ERCC6: variants seen among roughly 807,000 people sequenced by gnomAD.
ERCC6 encodes the protein ERCC excision repair 6, chromatin remodeling factor.
Under a neutral mutation model 158.7 loss-of-function variants are expected in ERCC6, and 116 were observed. The ratio of observed to expected loss-of-function variants is 0.73; its 90% confidence interval spans 0.63 to 0.85. ERCC6 has a LOEUF of 0.85. Ranked by LOEUF, ERCC6 falls within the 40% of genes least tolerant of loss-of-function variation. The pLI, the probability that ERCC6 is intolerant of heterozygous loss-of-function variation, is 0.00. For synonymous variants in ERCC6, 678 were observed against 659.3 expected, an observed-to-expected ratio of 1.03 and a Z score of -0.43; for missense variants, 1,698 against 1,799.4, an observed-to-expected ratio of 0.94 and a Z score of 1.02.
At chr10:49,516,517 T>C in intron 5 of ERCC6, 2 of 1,614,202 alleles carry the variant, frequency 1.2e-6, no homozygotes, top group South Asian at 1.1e-5. Context: ...TCCCAAAACA[T>C]ACGCCTTCTA....
At chr10:49,473,985 T>A in intron 13 of ERCC6, 42 bp downstream of exon 13, 1 of 1,566,940 alleles carries the variant, frequency 6.4e-7, no homozygotes. Context: ...ATGGCTGTCA[T>A]AAAGAACCAG....
chr10:49,516,627 T>C (rs1292452407), intron 5 of ERCC6: 3 of 1,614,124 alleles, frequency 1.9e-6, no homozygotes, highest in Admixed American at 1.7e-5. Flanking sequence ...AGCATATAAG[T>C]TGGAGTACTT....
At position 49,482,732 on chromosome 10, in the gene ERCC6, G is replaced by A. The variant is rs114832108; in HGVS notation, c.2124C>T (p.Ser708=). ...GTLPVFMEQF[S]VPITMGGYSN... ...AATATCCCCCCATGGTGATGGGGACGGAGAACTGCTCCATAAACACAGGCA... is the reference window on the plus strand; with the variant it reads ...AATATCCCCCCATGGTGATGGGGACAGAGAACTGCTCCATAAACACAGGCA... Residue 708 remains serine, a synonymous_variant, in exon 10 of 21, where the codon TCC becomes TCT. Transcript: ENST00000355832. 301 of 1,613,774 alleles carry A rather than the reference G, an allele frequency of 1.9e-4. No individual in the cohort carries two copies. In the African/African-American group the frequency reaches 3.0e-3, roughly 16 times the overall value.
At chr10:49,487,384 G>T (rs1215416625) in intron 8 of ERCC6, among the ~76,000 whole-genome samples, 1 of 152,066 alleles carries the variant, frequency 6.6e-6, no homozygotes, top group Non-Finnish European at 1.5e-5. Context: ...ATACCATATT[G>T]AAGGCCACAT....
chr10:49,504,446 G>A (rs543663475), intron 6 of ERCC6: 112 of 152,242 alleles, frequency 7.4e-4, no homozygotes, highest in African/African-American at 2.5e-3. Context: ...TATTAATTGT[G>A]AAATATCTTT....
At chr10:49,523,796 C>T (rs4253051) in intron 5 of ERCC6, among the ~76,000 whole-genome samples, 395 of 152,170 alleles carry the variant, frequency 2.6e-3, no homozygotes, top group African/African-American at 9.2e-3. Flanking sequence ...AGTTTTTCAT[C>T]TTAGACTTGC....
At chr10:49,479,698 C>A (rs1049705785) in intron 10 of ERCC6, among the ~76,000 whole-genome samples, 2 of 152,290 alleles carry the variant, frequency 1.3e-5, no homozygotes, top group Middle Eastern at 3.4e-3. Context: ...TCCACCCACA[C>A]CCCCTTCCGC....
chr10:49,440,941 G>A, the ERCC6 span, among the ~76,000 whole-genome samples: 1 of 152,212 alleles, frequency 6.6e-6, no homozygotes, highest in Non-Finnish European at 1.5e-5. Flanking sequence ...GAGGTGGTAT[G>A]AGAGGTGGCA....
rs1427913551 is a variant in ERCC6, at chr10:49,472,429, C to T, written c.2871G>A (p.Val957=). The T allele has an allele frequency of 6.2e-7, 1 of 1,614,162 alleles. No individual in the cohort carries two copies. The highest frequency in any genetic ancestry group is 1.7e-5 in the Admixed American group (1 of 60,026). ...CCGCAGTCAGGAGCCTGTACACAGT[C>T]ACTTGCTTCTTCTGGCCTATTCTCC... ...RAWRIGQKKQ[V]TVYRLLTAGT... is the part of the protein sequence containing the mutation. The change falls in exon 16 of 21, where the codon GTG becomes GTA. Residue 957 remains valine, a synonymous_variant. Transcript: ENST00000355832.
At chr10:49,473,127 G>C in intron 14 of ERCC6, 99 bp from the exon 15 acceptor site, 1 of 1,528,122 alleles carries the variant, frequency 6.5e-7, no homozygotes, top group South Asian at 1.2e-5. Context: ...TTACTGGGCT[G>C]TTCCCAATAT....
At chr10:49,518,607 A>G (rs946977115) in intron 5 of ERCC6, among the ~76,000 whole-genome samples, 2 of 152,210 alleles carry the variant, frequency 1.3e-5, no homozygotes, top group East Asian at 3.9e-4. Flanking sequence ...TCAGGCCCTA[A>G]AGGCTGCAAC....
chr10:49,489,025 C>T (rs1195379785), intron 8 of ERCC6, among the ~76,000 whole-genome samples: 1 of 152,122 alleles, frequency 6.6e-6, no homozygotes, highest in Non-Finnish European at 1.5e-5. Context: ...CCTCATGATC[C>T]GCCGGCCTCA....
chr10:49,450,461 A>T (rs1850407683), downstream of ERCC6, among the ~76,000 whole-genome samples: 1 of 152,220 alleles, frequency 6.6e-6, no homozygotes, highest in African/African-American at 2.4e-5. Flanking sequence ...ATTCTTTTTC[A>T]GGATTTCTTT....
chr10:49,501,167 C>T (rs1337337838), intron 6 of ERCC6: 1 of 167,996 alleles, frequency 6.0e-6, no homozygotes, highest in Non-Finnish European at 1.3e-5. Context: ...ATAGCTTATA[C>T]TGTTGAAAAG....
intron 19 of ERCC6, 141 bp downstream of exon 19, chr10:49,461,211 C>G (rs1850575757): frequency 1.1e-6 from 1 of 872,980 alleles, no homozygotes; most frequent in Non-Finnish European, 1.8e-6. Context: ...CCAAGTCACC[C>G]AGATTTTGCT....
rs142097249 is a variant in ERCC6 at position 49,532,621 on chromosome 10, T to A, written c.344A>T (p.Asn115Ile). 16 of 1,614,200 alleles carry A rather than the reference T, an allele frequency of 9.9e-6. No homozygotes were observed. In the African/African-American group the frequency reaches 1.5e-4, roughly 15 times the overall value. ...LEQGVLQQVDNAIHEASRASQ... is the reference protein window; with the variant it reads ...LEQGVLQQVDIAIHEASRASQ... ...GGCACGGCTGGCCTCATGGATGGCA[T>A]TGTCCACCTGCTGAAGCACTCCCTG... The change falls in exon 2 of 21, where the codon AAT becomes ATT. Residue 115 changes from asparagine to isoleucine, a missense_variant. Asn to Ile is a moderately radical substitution (Grantham distance 149). Coordinates refer to ENST00000355832, the MANE Select transcript of ERCC6 (RefSeq NM_000124.4).
intron 8 of ERCC6, among the ~76,000 whole-genome samples, chr10:49,492,116 C>T (rs1851182725): frequency 2.0e-5 from 3 of 152,180 alleles, no homozygotes; most frequent in Non-Finnish European, 1.5e-5. Flanking sequence ...AATTCCATCT[C>T]GCCTTATTTG....
chr10:49,494,350 G>A (rs1851228945), intron 7 of ERCC6, among the ~76,000 whole-genome samples: 1 of 152,208 alleles, frequency 6.6e-6, no homozygotes, highest in Non-Finnish European at 1.5e-5. Context: ...ATAAGATTCT[G>A]TTAAATAAGA....
chr10:49,463,377 G>A (rs1051358304), intron 18 of ERCC6, among the ~76,000 whole-genome samples: 2 of 152,134 alleles, frequency 1.3e-5, no homozygotes, highest in Non-Finnish European at 2.9e-5. Context: ...GAGCATTTTA[G>A]ATTTCAGGTT....
Sources: gnomAD v4.1 joint callset for allele counts (sites outside exome capture counted in the v4.1 genomes callset) on GRCh38, gnomAD v4.1.1 for gene constraint, MANE v1.5 for transcripts, NCBI Gene and HGNC (gene_info 2026-07-23, HGNC 2026-07-21) for gene names.